The following HPSE2 variants were observed in gnomAD, a reference collection of about 807,000 sequenced individuals.
HPSE2 encodes the protein heparanase 2 (inactive).
In HPSE2, 38 loss-of-function variants were observed where a neutral mutation model predicts 60.5. That is an observed-to-expected ratio of 0.63 (90% CI 0.48 to 0.82). The LOEUF (loss-of-function observed/expected upper bound fraction) is 0.82. Ranked by LOEUF, HPSE2 falls within the 40% of genes least tolerant of loss-of-function variation. HPSE2 has a pLI of 0.00. For missense variants in HPSE2, 713 were observed against 740.4 expected, an observed-to-expected ratio of 0.96 and a Z score of 0.43; for synonymous variants, 295 against 293.2, an observed-to-expected ratio of 1.01 and a Z score of -0.06.
At chr10:98,980,865 G>A (rs568778436) in intron 3 of HPSE2, among the ~76,000 whole-genome samples, 8 of 152,118 alleles carry the variant, frequency 5.3e-5, no homozygotes, top group South Asian at 2.1e-4. Flanking sequence ...TTTATGTGTC[G>A]GAGCTATGTA....
In HPSE2 at chr10:98,614,701, A is replaced by ATGTGTGTGTGTGTGTG. The variant is rs141443710; in HGVS notation, c.1320+187_1320+202dup. Among the ~76,000 whole-genome samples, 106 of 149,016 alleles carry ATGTGTGTGTGTGTGTG rather than the reference A, an allele frequency of 7.1e-4. 2 individuals are homozygous for ATGTGTGTGTGTGTGTG. Among genetic ancestry groups the ATGTGTGTGTGTGTGTG allele is most frequent in the African/African-American group, 2.5e-3 (101 of 40,796 alleles). On this transcript the variant is annotated intron_variant, in intron 9 of 11. Transcript: ENST00000370552. ...TGTATATATAAAAGTGAGTGAACAG[A>ATGTGTGTGTGTGTGTG]TGTGTGTGTGTGTGTGTGTGTGTGT...
intron 2 of HPSE2, among the ~76,000 whole-genome samples, chr10:99,201,197 C>T (rs1403400326): frequency 1.3e-5 from 2 of 152,056 alleles, no homozygotes; most frequent in African/African-American, 4.8e-5. Flanking sequence ...AACTCAAATA[C>T]AAATAATTGC....
At chr10:98,640,790 G>A (rs1946618437) in intron 7 of HPSE2, among the ~76,000 whole-genome samples, 1 of 152,192 alleles carries the variant, frequency 6.6e-6, no homozygotes, top group South Asian at 2.1e-4. Context: ...AATTGTAGAT[G>A]TAAGATCCTC....
Position 98,812,288 on chromosome 10 carries a change from G to A in HPSE2, c.611-68232C>T, listed in dbSNP as rs1951186472. Among the ~76,000 whole-genome samples, 3 of 152,098 alleles carry A rather than the reference G, an allele frequency of 2.0e-5. No individual in the cohort carries two copies. In the South Asian group the frequency reaches 6.2e-4, roughly 31 times the overall value. ...GTTACCCATAAGAGATTATCTGGTG[G>A]TGATTCTGACTTCTTAACCTGAATT... On this transcript the variant is annotated intron_variant, in intron 3 of 11. Transcript: ENST00000370552.
At chr10:99,047,558 A>C (rs1957884486) in intron 3 of HPSE2, 1 of 525,338 alleles carries the variant, frequency 1.9e-6, no homozygotes, top group African/African-American at 1.9e-5. Flanking sequence ...AAATATTCAC[A>C]AACTTTGCAT....
intron 3 of HPSE2, among the ~76,000 whole-genome samples, chr10:99,100,891 T>A (rs1843943934): frequency 6.6e-6 from 1 of 152,128 alleles, no homozygotes; most frequent in South Asian, 2.1e-4. Flanking sequence ...CCAGCCAAAC[T>A]AAGCTTCATA....
At chr10:98,717,540 T>C (rs1178539189) in intron 5 of HPSE2, among the ~76,000 whole-genome samples, 1 of 152,012 alleles carries the variant, frequency 6.6e-6, no homozygotes, top group African/African-American at 2.4e-5. Context: ...GTGTTATTTA[T>C]TGGTGTAATT....
At chr10:98,991,182 C>T (rs938010443) in intron 3 of HPSE2, among the ~76,000 whole-genome samples, 3 of 152,148 alleles carry the variant, frequency 2.0e-5, no homozygotes, top group Non-Finnish European at 4.4e-5. Context: ...AAGTTCCTTA[C>T]ATTCAAAGAA....
At chr10:98,599,870 G>T (rs1945348804) in intron 9 of HPSE2, among the ~76,000 whole-genome samples, 1 of 152,112 alleles carries the variant, frequency 6.6e-6, no homozygotes, top group Non-Finnish European at 1.5e-5. Context: ...GTCCTATTCT[G>T]CCATCTTGCT....
chr10:98,749,394 G>A (rs1949701400), intron 3 of HPSE2, among the ~76,000 whole-genome samples: 1 of 151,168 alleles, frequency 6.6e-6, no homozygotes, highest in African/African-American at 2.4e-5. Context: ...AGATATACAT[G>A]CGTGTATATC....
chr10:98,953,130 G>C (rs1171490550), intron 3 of HPSE2, among the ~76,000 whole-genome samples: 1 of 152,154 alleles, frequency 6.6e-6, no homozygotes, highest in Non-Finnish European at 1.5e-5. Flanking sequence ...TGGTGGACAA[G>C]GGGAATATGT....
chr10:98,873,433 C>T (rs745763140), intron 3 of HPSE2, among the ~76,000 whole-genome samples: 17 of 152,000 alleles, frequency 1.1e-4, no homozygotes, highest in Non-Finnish European at 2.2e-4. Flanking sequence ...GCTCAACTCC[C>T]ACTTATGAGT....
chr10:98,736,950 T>C (rs565471903), intron 4 of HPSE2, among the ~76,000 whole-genome samples: 1 of 152,328 alleles, frequency 6.6e-6, no homozygotes, highest in East Asian at 1.9e-4. Context: ...AGTATGTTTC[T>C]GGATAAGAGT....
chr10:99,095,000 C>T (rs1384090883), intron 3 of HPSE2, among the ~76,000 whole-genome samples: 2 of 151,946 alleles, frequency 1.3e-5, no homozygotes, highest in African/African-American at 4.8e-5. Flanking sequence ...CCAGCCTGGG[C>T]AACAAAGTGA....
chr10:98,598,158 G>A (rs1290707345), intron 9 of HPSE2, among the ~76,000 whole-genome samples: 2 of 150,968 alleles, frequency 1.3e-5, no homozygotes, highest in Non-Finnish European at 2.9e-5. Context: ...GTTACCTGTT[G>A]CCTTAGGTTG....
At chr10:98,835,301 CTG>C (rs1951766521) in intron 3 of HPSE2, among the ~76,000 whole-genome samples, 1 of 152,036 alleles carries the variant, frequency 6.6e-6, no homozygotes, top group Non-Finnish European at 1.5e-5. Context: ...CACAAGCAAA[CTG>C]TAAGAAACAG....
intron 3 of HPSE2, among the ~76,000 whole-genome samples, chr10:98,960,246 C>A (rs1040252977): frequency 1.3e-5 from 2 of 152,074 alleles, no homozygotes; most frequent in African/African-American, 4.8e-5. Flanking sequence ...GTCATTAGCA[C>A]CTCTCCCACA....
At chr10:98,561,742 C>T (rs1029580748) in intron 9 of HPSE2, among the ~76,000 whole-genome samples, 2 of 152,124 alleles carry the variant, frequency 1.3e-5, no homozygotes, top group Admixed American at 6.6e-5. Context: ...CAGCTACTTA[C>T]GAGGTTGAGG....
intron 11 of HPSE2, among the ~76,000 whole-genome samples, chr10:98,475,510 T>C (rs1291394083): frequency 1.3e-5 from 2 of 152,146 alleles, no homozygotes; most frequent in Non-Finnish European, 2.9e-5. Context: ...GTAGGATCAA[T>C]AGAACTGGTG....
Sources: gnomAD v4.1 joint callset for allele counts (sites outside exome capture counted in the v4.1 genomes callset) on GRCh38, gnomAD v4.1.1 for gene constraint, MANE v1.5 for transcripts, NCBI Gene and HGNC (gene_info 2026-07-23, HGNC 2026-07-21) for gene names.